Variants in PDZD2 observed in about 807,000 individuals in gnomAD.
PDZD2 encodes the protein PDZ domain containing 2.
PDZD2 carries 90 observed loss-of-function variants against 220.7 expected under a neutral mutation model. The observed-to-expected ratio is 0.41, with a 90% CI of 0.34 to 0.49. The LOEUF (loss-of-function observed/expected upper bound fraction) is 0.49. Ranked by LOEUF, PDZD2 falls within the 20% of genes least tolerant of loss-of-function variation. The probability of loss-of-function intolerance (pLI) is 0.28; values close to 1 mark genes in which losing one functional copy is unlikely to be tolerated. For missense variants in PDZD2, 3,174 were observed against 3,608.5 expected (o/e 0.88, Z 3.08); for synonymous variants, 1,375 against 1,450.5 (o/e 0.95, Z 1.18).
intron 2 of PDZD2, among the ~76,000 whole-genome samples, chr5:31,849,955 T>TC (rs1376427855): frequency 0.02 from 445 of 22,348 alleles, 165 homozygotes; most frequent in African/African-American, 0.11. Context: ...TATACATATA[T>TC]ATATATACAC....
rs1344117078 is a variant in PDZD2 at position 32,109,860 on chromosome 5, C to CCTT, written c.*1727_*1729dup. ...ATCTTTGAAGTCGGCCTAGAGAGGT[C>CCTT]CTTCAGATGAGAGAGAAATAGCTGG... On this transcript the variant is annotated 3_prime_UTR_variant, in exon 25 of 25. Coordinates refer to ENST00000438447, the MANE Select transcript of PDZD2 (RefSeq NM_178140.4). 1 of 152,582 alleles carries CCTT rather than the reference C, an allele frequency of 6.6e-6. No homozygotes were observed. The highest frequency in any genetic ancestry group is 1.5e-5 in the Non-Finnish European group (1 of 68,038). The allele number at this position is 152,582 out of a possible 1,614,324, so 9.5% of individuals were successfully genotyped here. A position where few individuals can be genotyped will look rare whatever the true frequency, so the allele number is the denominator to read the frequency against.
intron 2 of PDZD2, chr5:31,923,485 C>A (rs1347548633): frequency 6.3e-6 from 6 of 958,882 alleles, no homozygotes; most frequent in Non-Finnish European, 1.0e-5. Flanking sequence ...AAGAGGGGTG[C>A]AGATCCTGGA....
intron 1 of PDZD2, among the ~76,000 whole-genome samples, chr5:31,672,419 T>C (rs547398449): frequency 2.0e-4 from 30 of 152,224 alleles, no homozygotes; most frequent in African/African-American, 6.3e-4. Context: ...CAGTGTGGGA[T>C]TTGGCCAGTC....
intron 7 of PDZD2, among the ~76,000 whole-genome samples, chr5:32,039,295 C>T (rs13355005): frequency 0.033 from 5,010 of 151,810 alleles, 280 homozygotes; most frequent in African/African-American, 0.11. Flanking sequence ...TTGGTGGAGA[C>T]GGGGTTTCGC....
chr5:31,768,433 G>C (rs1279072186), intron 1 of PDZD2, among the ~76,000 whole-genome samples: 2 of 152,056 alleles, frequency 1.3e-5, no homozygotes, highest in Admixed American at 1.3e-4. Context: ...ACAAGGTCAG[G>C]AGTTTGAGAC....
intron 2 of PDZD2, among the ~76,000 whole-genome samples, chr5:31,842,417 G>A (rs1025937567): frequency 2.6e-5 from 4 of 152,190 alleles, no homozygotes; most frequent in African/African-American, 9.7e-5. Flanking sequence ...CCACGGCTCT[G>A]TTCTTCTCAC....
At chr5:31,743,485 A>G (rs1271026270) in intron 1 of PDZD2, among the ~76,000 whole-genome samples, 1 of 151,612 alleles carries the variant, frequency 6.6e-6, no homozygotes, top group Non-Finnish European at 1.5e-5. Context: ...CGTTGCTTGT[A>G]TTTTCTTTTC....
rs1251840861 is a variant in PDZD2 at position 31,752,068 on chromosome 5, G to GTTTTTTTTTTTTTTTTTTTTTTT, written c.-360-46821_-360-46820insTTTTTTTTTTTTTTTTTTTTTTT. Among the ~76,000 whole-genome samples the GTTTTTTTTTTTTTTTTTTTTTTT allele has an allele frequency of 1.5e-3, 142 of 95,910 alleles. 45 individuals are homozygous for GTTTTTTTTTTTTTTTTTTTTTTT. The highest frequency in any genetic ancestry group is 2.4e-3 in the African/African-American group (52 of 22,060). The allele number at this position is 95,910 out of a possible 152,430, so 62.9% of individuals were successfully genotyped here. A position where few individuals can be genotyped will look rare whatever the true frequency, so the allele number is the denominator to read the frequency against. ...TTTGTTTGTTTGTTTTATTGTTTTGGGTTTGTTTTTTTTTTTTTTTTTCTG... is the reference window on the plus strand; with the variant it reads ...TTTGTTTGTTTGTTTTATTGTTTTGGTTTTTTTTTTTTTTTTTTTTTTTGTTTGTTTTTTTTTTTTTTTTTCTG... On this transcript the variant is annotated intron_variant, in intron 1 of 24. Transcript: ENST00000438447.
At chr5:31,737,867 G>C (rs754863690) in intron 1 of PDZD2, among the ~76,000 whole-genome samples, 1 of 152,214 alleles carries the variant, frequency 6.6e-6, no homozygotes, top group Non-Finnish European at 1.5e-5. Flanking sequence ...CAGTGCTTAT[G>C]TGGATTATTT....
chr5:31,991,585 G>C (rs1229841435), intron 3 of PDZD2, among the ~76,000 whole-genome samples: 1 of 152,198 alleles, frequency 6.6e-6, no homozygotes, highest in Non-Finnish European at 1.5e-5. Flanking sequence ...TACCCAAGTG[G>C]AATTGTTAAG....
intron 1 of PDZD2, chr5:31,743,973 T>C (rs1490130848): frequency 2.0e-5 from 3 of 152,232 alleles, no homozygotes; most frequent in Non-Finnish European, 4.4e-5. Context: ...TTTTCTGTCC[T>C]AGTCTTTCCT....
At chr5:31,817,536 A>T (rs1755545282) in intron 2 of PDZD2, among the ~76,000 whole-genome samples, 1 of 152,194 alleles carries the variant, frequency 6.6e-6, no homozygotes, top group Non-Finnish European at 1.5e-5. Flanking sequence ...AATTACTTGA[A>T]GCTATACTTC....
At chr5:31,975,534 G>A (rs866175171) in intron 2 of PDZD2, among the ~76,000 whole-genome samples, 1 of 152,180 alleles carries the variant, frequency 6.6e-6, no homozygotes, top group Non-Finnish European at 1.5e-5. Context: ...GGGAGAGGAG[G>A]GAGGCGGTGC....
At chr5:31,995,085 C>G (rs1751522014) in intron 3 of PDZD2, among the ~76,000 whole-genome samples, 1 of 152,144 alleles carries the variant, frequency 6.6e-6, no homozygotes, top group Non-Finnish European at 1.5e-5. Flanking sequence ...TAATTAGTAG[C>G]TGTGCAGAAG....
intron 6 of PDZD2, among the ~76,000 whole-genome samples, chr5:32,035,835 A>G (rs1755495842): frequency 6.6e-6 from 1 of 152,248 alleles, no homozygotes; most frequent in Non-Finnish European, 1.5e-5. Context: ...GATTCCTGCC[A>G]GTTGAGTTTA....
intron 7 of PDZD2, among the ~76,000 whole-genome samples, chr5:32,043,084 A>G (rs1337173689): frequency 2.0e-5 from 3 of 152,200 alleles, no homozygotes; most frequent in Non-Finnish European, 2.9e-5. Context: ...AAAGAATTCT[A>G]TTCCAGGGAA....
In PDZD2 at chr5:32,101,107, A is replaced by G. The variant is rs1744220146; in HGVS notation, c.8221A>G (p.Arg2741Gly). 6.2e-7 allele frequency: 1 copy of G among 1,614,096 alleles called. No individual in the cohort carries two copies. Among genetic ancestry groups the G allele is most frequent in the Non-Finnish European group, 8.5e-7 (1 of 1,180,002 alleles). Reference sequence around the variant, plus strand: ...CTTGGTGCACGCTGCGGCTGCAGGGAGAAGTGTGGCTGTACACGATGCTCT... The same window carrying G: ...CTTGGTGCACGCTGCGGCTGCAGGGGGAAGTGTGGCTGTACACGATGCTCT... ...KTIPLEPGIGRSVAVHDALCV... is the reference protein window; with the variant it reads ...KTIPLEPGIGGSVAVHDALCV... The change falls in exon 24 of 25, where the codon AGA (arginine) becomes GGA (glycine). Residue 2741 changes from arginine (R) to glycine (G), a missense_variant and splice_region_variant. Around this residue, in one of 4 missense-constraint regions of PDZD2, gnomAD observed 631 missense variants for 789.9 expected, o/e 0.80. Coordinates refer to ENST00000438447, the MANE Select transcript of PDZD2 (RefSeq NM_178140.4).
chr5:31,996,226 G>A (rs953855927), intron 4 of PDZD2, among the ~76,000 whole-genome samples: 7 of 152,114 alleles, frequency 4.6e-5, no homozygotes, highest in Non-Finnish European at 8.8e-5. Context: ...ATGTGGAAGG[G>A]AAATTAAGTA....
intron 2 of PDZD2, among the ~76,000 whole-genome samples, chr5:31,810,317 C>T (rs1279164727): frequency 1.4e-5 from 2 of 146,202 alleles, no homozygotes; most frequent in Admixed American, 7.1e-5. Flanking sequence ...GGCTGGAGTG[C>T]AGTGGCGCGA....
Sources: gnomAD v4.1 joint callset for allele counts (sites outside exome capture counted in the v4.1 genomes callset) on GRCh38, gnomAD v4.1.1 for gene constraint, gnomAD v4.1.1 regional missense constraint, MANE v1.5 for transcripts, NCBI Gene and HGNC (gene_info 2026-07-23, HGNC 2026-07-21) for gene names.